The following SMG1 variants were observed in gnomAD, a reference collection of about 807,000 sequenced individuals.
SMG1 encodes the protein serine/threonine-protein kinase SMG1.
SMG1 carries 22 observed loss-of-function variants against 419.9 expected under a neutral mutation model. That is an observed-to-expected ratio of 0.05 (90% CI 0.04 to 0.07). The LOEUF is 0.07. Ranked by LOEUF, SMG1 falls within the 10% of genes least tolerant of loss-of-function variation. The pLI is 1.00. For synonymous variants in SMG1, 1,538 were observed against 1,553.5 expected (o/e 0.99, Z 0.23); for missense variants, 3,185 against 4,342.0 (o/e 0.73, Z 7.49).
chr16:18,905,117 C>T (rs1218978048), intron 1 of SMG1, among the ~76,000 whole-genome samples: 1 of 151,820 alleles, frequency 6.6e-6, no homozygotes, highest in African/African-American at 2.4e-5. Flanking sequence ...AAAAATTAGC[C>T]GGGTATGGTG....
At chr16:18,828,007 G>T in intron 55 of SMG1, 24 bp downstream of exon 55, 1 of 1,603,246 alleles carries the variant, frequency 6.2e-7, no homozygotes, top group Non-Finnish European at 8.5e-7. Context: ...AAATGCCCTG[G>T]AAGGAAGATC....
In SMG1 at chr16:18,876,204, C is replaced by T. The variant is rs780109039; in HGVS notation, c.1810G>A (p.Val604Ile). The T allele has an allele frequency of 1.2e-6, 2 of 1,611,762 alleles. No individual in the cohort carries two copies. Among genetic ancestry groups the T allele is most frequent in the East Asian group, 2.2e-5 (1 of 44,866 alleles). ...HEAFKNHVFN[V>I]DNAKFVVIFD... ...ATAACTACAAATTTTGCATTGTCTA[C>T]ATTGAACACATGATTCTTAAAAGCC... is the stretch of plus-strand genomic sequence containing the variant. The change falls in exon 13 of 63, where the codon GTA becomes ATA. Residue 604 changes from valine to isoleucine, a missense_variant. Transcript: ENST00000446231.
intron 47 of SMG1, 32 bp from the exon 48 acceptor site, chr16:18,836,244 A>C (rs1442351744): frequency 3.7e-6 from 6 of 1,602,080 alleles, no homozygotes; most frequent in Non-Finnish European, 1.7e-6. Context: ...AAACACAGTA[A>C]AACAGGGTCA....
chr16:18,914,683 G>T (rs1394442669), intron 1 of SMG1, among the ~76,000 whole-genome samples: 1 of 152,026 alleles, frequency 6.6e-6, no homozygotes, highest in East Asian at 2.0e-4. Flanking sequence ...ATAAAATAAA[G>T]AAATCTGTTG....
intron 25 of SMG1, among the ~76,000 whole-genome samples, chr16:18,862,833 G>A (rs1355265417): frequency 2.0e-5 from 3 of 152,134 alleles, no homozygotes; most frequent in Non-Finnish European, 4.4e-5. Context: ...TAAACACAGA[G>A]GCCTCCCAGC....
chr16:18,905,034 G>T (rs1338962161), intron 1 of SMG1, among the ~76,000 whole-genome samples: 1 of 152,108 alleles, frequency 6.6e-6, no homozygotes, highest in Admixed American at 6.5e-5. Context: ...GGGTGAGGCA[G>T]GCAGATCATG....
intron 1 of SMG1, among the ~76,000 whole-genome samples, chr16:18,920,103 C>A (rs1318638385): frequency 6.6e-6 from 1 of 151,244 alleles, no homozygotes; most frequent in Non-Finnish European, 1.5e-5. Context: ...AAAAAAAGGC[C>A]GGGTGCAGTG....
chr16:18,821,206 ATATT>A (rs2032498433), intron 55 of SMG1, among the ~76,000 whole-genome samples: 1 of 136,948 alleles, frequency 7.3e-6, no homozygotes, highest in Non-Finnish European at 1.5e-5. Context: ...AAAACCTGAG[ATATT>A]TAGTATGTTT....
At chr16:18,816,644 A>T in intron 57 of SMG1, 115 bp from the exon 58 acceptor site, 1 of 766,904 alleles carries the variant, frequency 1.3e-6, no homozygotes, top group Non-Finnish European at 2.1e-6. Context: ...GAGAACCTCC[A>T]TTGCTAAGTC....
intron 11 of SMG1, chr16:18,877,435 G>C (rs2036187785): frequency 4.7e-6 from 2 of 426,092 alleles, no homozygotes; most frequent in Non-Finnish European, 8.6e-6. Context: ...GATGGAGGGA[G>C]GGAGGAGTGG....
intron 13 of SMG1, among the ~76,000 whole-genome samples, chr16:18,874,213 A>G (rs2035980539): frequency 6.6e-6 from 1 of 151,930 alleles, no homozygotes; most frequent in Non-Finnish European, 1.5e-5. Context: ...ATCTCAGCTC[A>G]CTGCAACCTC....
In SMG1 at chr16:18,839,432, G is replaced by C. The variant is rs533616654; in HGVS notation, c.6945+266C>G. Reference sequence around the variant, plus strand: ...ATGTTTAGCTCCCACTTATAAGTGAGAACATGCGGTATTCAGTTTTCTGTT... The same window carrying C: ...ATGTTTAGCTCCCACTTATAAGTGACAACATGCGGTATTCAGTTTTCTGTT... On this transcript the variant is annotated intron_variant, in intron 42 of 62. Coordinates refer to ENST00000446231, the MANE Select transcript of SMG1 (RefSeq NM_015092.5). Among the ~76,000 whole-genome samples the C allele has an allele frequency of 4.6e-5, 7 of 152,284 alleles. No homozygotes were observed. In the South Asian group the frequency reaches 1.2e-3, roughly 27 times the overall value.
At chr16:18,840,257 T>C (rs1229671442) in intron 41 of SMG1, among the ~76,000 whole-genome samples, 1 of 152,252 alleles carries the variant, frequency 6.6e-6, no homozygotes. Context: ...AATTCAGTTT[T>C]AAAATTATAG....
intron 23 of SMG1, among the ~76,000 whole-genome samples, chr16:18,865,555 A>G (rs1403533952): frequency 2.6e-5 from 4 of 152,166 alleles, no homozygotes; most frequent in Non-Finnish European, 4.4e-5. Flanking sequence ...GTAAAAAAAA[A>G]TATCAGAAAC....
chr16:18,879,782 A>G (rs1051910131), intron 10 of SMG1, 63 bp from the exon 11 acceptor site: 79 of 1,191,792 alleles, frequency 6.6e-5, no homozygotes, highest in Non-Finnish European at 8.6e-5. Flanking sequence ...AAGCAAGAAA[A>G]TACTTTTTAT....
At chr16:18,842,562 T>C (rs1162388337) in intron 39 of SMG1, 108 bp from the exon 40 acceptor site, 2 of 1,115,940 alleles carry the variant, frequency 1.8e-6, no homozygotes, top group African/African-American at 3.1e-5. Flanking sequence ...CGGCAGCTCA[T>C]GCCTGTAATC....
At chr16:18,812,199 G>C (rs2031477199) in intron 60 of SMG1, 72 bp from the exon 61 acceptor site, 1 of 1,446,470 alleles carries the variant, frequency 6.9e-7, no homozygotes, top group Non-Finnish European at 9.4e-7. Flanking sequence ...GAGCAAGCAC[G>C]GGATAGGTGG....
intron 50 of SMG1, 148 bp from the exon 51 acceptor site, chr16:18,833,314 T>C (rs2033336081): frequency 1.7e-6 from 1 of 590,448 alleles, no homozygotes; most frequent in East Asian, 2.9e-5. Context: ...TTACTTTTTA[T>C]TTCTACTTTT....
At chr16:18,883,349 C>CT (rs1324426114) in intron 9 of SMG1, among the ~76,000 whole-genome samples, 1 of 152,202 alleles carries the variant, frequency 6.6e-6, no homozygotes, top group African/African-American at 2.4e-5. Flanking sequence ...AAAGCCAAGG[C>CT]TTGTCCTCCA....
Sources: allele counts gnomAD v4.1 joint callset (sites outside exome capture counted in the v4.1 genomes callset), GRCh38; gene constraint gnomAD v4.1.1; transcripts MANE v1.5; gene names NCBI Gene and HGNC (gene_info 2026-07-23, HGNC 2026-07-21).